HDAC9: variants seen among roughly 807,000 people sequenced by gnomAD.
HDAC9 encodes MEF-2 interacting transcription repressor (MITR) protein.
Under a neutral mutation model 139.4 loss-of-function variants are expected in HDAC9, and 41 were observed. The ratio of observed to expected loss-of-function variants is 0.29; its 90% CI spans 0.23 to 0.38. The LOEUF (loss-of-function observed/expected upper bound fraction) is 0.38. Among genes scored for constraint, HDAC9 ranks in the 10% least tolerant of loss-of-function variants. The probability of loss-of-function intolerance (pLI) is 1.00; values close to 1 mark genes in which losing one functional copy is unlikely to be tolerated. For missense variants in HDAC9, 1,147 were observed against 1,297.0 expected (o/e 0.88, Z 1.78); for synonymous variants, 517 against 476.2 (o/e 1.09, Z -1.12).
chr7:18,771,537 A>G (rs188184958), intron 16 of HDAC9, among the ~76,000 whole-genome samples: 21 of 146,552 alleles, frequency 1.4e-4, no homozygotes, highest in Non-Finnish European at 1.1e-4. Flanking sequence ...ATTTACAGAT[A>G]TGTGTGTGTG....
At chr7:18,099,253 A>G (rs1454715577) in intron 1 of HDAC9, among the ~76,000 whole-genome samples, 1 of 152,168 alleles carries the variant, frequency 6.6e-6, no homozygotes, top group African/African-American at 2.4e-5. Context: ...TGAGGTTGAG[A>G]GTTCGACACC....
chr7:18,497,918 A>G lies in HDAC9; in HGVS notation c.22+1594A>G, dbSNP rs188809100. Among the ~76,000 whole-genome samples, 82 of 152,184 alleles carry G rather than the reference A, an allele frequency of 5.4e-4. 1 individual carries two copies. The highest frequency in any genetic ancestry group is 1.9e-3 in the African/African-American group (79 of 41,536). On this transcript the variant is annotated intron_variant, in intron 2 of 25. Coordinates refer to ENST00000686413, the MANE Select transcript of HDAC9 (RefSeq NM_178425.4). ...TTGCAAGCTTTGCTTTTTTCTCCACATCTTTGATAATCACATACAGCTTTA... is the reference window on the plus strand; with the variant it reads ...TTGCAAGCTTTGCTTTTTTCTCCACGTCTTTGATAATCACATACAGCTTTA...
intron 17 of HDAC9, among the ~76,000 whole-genome samples, chr7:18,797,497 A>G (rs545000240): frequency 4.6e-5 from 7 of 152,284 alleles, no homozygotes; most frequent in African/African-American, 1.7e-4. Context: ...TCTCATTCCT[A>G]TATTTTAAAA....
intron 11 of HDAC9, among the ~76,000 whole-genome samples, chr7:18,650,172 T>C (rs780960039): frequency 3.9e-5 from 6 of 152,192 alleles, no homozygotes; most frequent in Non-Finnish European, 7.3e-5. Flanking sequence ...TTGTGGCCTT[T>C]CAGCACAACT....
At chr7:18,655,039 C>G (rs183360445) in intron 11 of HDAC9, among the ~76,000 whole-genome samples, 15 of 152,134 alleles carry the variant, frequency 9.9e-5, no homozygotes, top group Non-Finnish European at 1.6e-4. Context: ...TCTGGGCAAG[C>G]CTGAAGCTGG....
At chr7:18,411,547 T>C (rs1232909062) in intron 1 of HDAC9, among the ~76,000 whole-genome samples, 2 of 151,752 alleles carry the variant, frequency 1.3e-5, no homozygotes, top group Non-Finnish European at 2.9e-5. Flanking sequence ...GCTAATTTTT[T>C]TGTATTTTTA....
chr7:18,212,860 G>A (rs999562670), intron 2 of HDAC9, among the ~76,000 whole-genome samples: 1 of 152,192 alleles, frequency 6.6e-6, no homozygotes, highest in Non-Finnish European at 1.5e-5. Flanking sequence ...AATGCCCTGT[G>A]CCTTGGATGT....
At chr7:18,116,598 CAT>C (rs1220148701) in intron 1 of HDAC9, among the ~76,000 whole-genome samples, 1 of 151,910 alleles carries the variant, frequency 6.6e-6, no homozygotes, top group African/African-American at 2.4e-5. Context: ...TTTTGGTTAA[CAT>C]ACGTATCAAA....
chr7:18,351,718 G>A (rs985368339), intron 1 of HDAC9, among the ~76,000 whole-genome samples: 1 of 152,154 alleles, frequency 6.6e-6, no homozygotes, highest in African/African-American at 2.4e-5. Flanking sequence ...TTGCATAGCT[G>A]TTGTGATTAT....
intron 22 of HDAC9, among the ~76,000 whole-genome samples, chr7:18,880,201 T>A (rs1799628167): frequency 1.3e-5 from 2 of 152,122 alleles, no homozygotes; most frequent in African/African-American, 4.8e-5. Flanking sequence ...ACTTAGACAC[T>A]GTTGGTGGGA....
intron 1 of HDAC9, among the ~76,000 whole-genome samples, chr7:18,432,517 A>G (rs571573953): frequency 5.2e-4 from 79 of 152,356 alleles, no homozygotes; most frequent in South Asian, 4.3e-3. Flanking sequence ...AGCTATTCCT[A>G]TTCCTTCAGA....
intron 2 of HDAC9, among the ~76,000 whole-genome samples, chr7:18,179,084 C>T (rs1384364335): frequency 1.3e-5 from 2 of 152,180 alleles, no homozygotes; most frequent in African/African-American, 4.8e-5. Context: ...GAGTTCCTTT[C>T]ATATTTGCCC....
intron 2 of HDAC9, among the ~76,000 whole-genome samples, chr7:18,551,732 CTT>C (rs1817201447): frequency 6.6e-6 from 1 of 152,082 alleles, no homozygotes; most frequent in African/African-American, 2.4e-5. Context: ...AAAAAGTAGA[CTT>C]TGTTGTTATT....
intron 12 of HDAC9, among the ~76,000 whole-genome samples, chr7:18,702,189 T>C (rs1388809082): frequency 2.0e-5 from 3 of 152,166 alleles, no homozygotes; most frequent in Non-Finnish European, 2.9e-5. Context: ...TTTCTATGGT[T>C]GTTTGCTCCT....
intron 6 of HDAC9, among the ~76,000 whole-genome samples, chr7:18,615,052 C>T (rs1838197004): frequency 6.6e-6 from 1 of 152,080 alleles, no homozygotes; most frequent in Non-Finnish European, 1.5e-5. Context: ...AATAGCATTT[C>T]AATGGTTTTC....
chr7:18,178,472 C>T (rs1166031827), intron 2 of HDAC9, among the ~76,000 whole-genome samples: 3 of 152,324 alleles, frequency 2.0e-5, no homozygotes, highest in African/African-American at 7.2e-5. Context: ...TGGTTTCATA[C>T]TGAGTTCTCT....
At chr7:18,885,198 T>A (rs1563021545) in intron 22 of HDAC9, among the ~76,000 whole-genome samples, 1 of 152,236 alleles carries the variant, frequency 6.6e-6, no homozygotes, top group Non-Finnish European at 1.5e-5. Flanking sequence ...GAAAACATCA[T>A]AATTCTGGCC....
intron 2 of HDAC9, among the ~76,000 whole-genome samples, chr7:18,273,085 A>C: frequency 2.6e-5 from 1 of 38,938 alleles, no homozygotes; most frequent in Non-Finnish European, 5.2e-5. Flanking sequence ...TTTTTTTTTG[A>C]ACAAGACAGG....
intron 1 of HDAC9, among the ~76,000 whole-genome samples, chr7:18,339,350 G>A (rs1487643214): frequency 6.6e-6 from 1 of 151,364 alleles, no homozygotes; most frequent in Admixed American, 6.6e-5. Context: ...TAAAGTGGAA[G>A]CTGAAGCAAT....
Sources: allele counts gnomAD v4.1 joint callset (sites outside exome capture counted in the v4.1 genomes callset), GRCh38; gene constraint gnomAD v4.1.1; transcripts MANE v1.5; gene names NCBI Gene and HGNC (gene_info 2026-07-23, HGNC 2026-07-21).